The following DPYSL5 variants were observed in gnomAD, a reference collection of about 807,000 sequenced individuals.
The protein encoded by DPYSL5 is dihydropyrimidinase-related protein 5.
In DPYSL5, 9 loss-of-function variants were observed where a neutral mutation model predicts 58.4. That is an observed-to-expected ratio of 0.15 (90% CI 0.09 to 0.27). The LOEUF (loss-of-function observed/expected upper bound fraction) is 0.27, where lower values mean the gene tolerates loss of function less well. Ranked by LOEUF, DPYSL5 falls within the 10% of genes least tolerant of loss-of-function variation. The pLI is 1.00. For missense variants in DPYSL5, 499 were observed against 770.6 expected, an observed-to-expected ratio of 0.65 and a Z score of 4.17; for synonymous variants, 293 against 301.9, an observed-to-expected ratio of 0.97 and a Z score of 0.31.
chr2:26,888,987 CAGAG>C (rs775865340), intron 1 of DPYSL5, among the ~76,000 whole-genome samples: 1 of 152,026 alleles, frequency 6.6e-6, no homozygotes, highest in Admixed American at 6.6e-5. Context: ...CCTCACATGT[CAGAG>C]AGAGAGATAT....
rs1558329727 is a variant in DPYSL5, at chr2:26,882,417, G to T, written c.-4-16079G>T. 2.2e-5 allele frequency among the ~76,000 whole-genome samples: 3 copies of T among 134,400 alleles called. No homozygotes were observed. In the Admixed American group the frequency reaches 2.5e-4, roughly 11 times the overall value. 88.2% of individuals were successfully genotyped at this position (134,400 alleles called of 152,430 possible). ...CACACCACCATGCCCAGCTTATTGT[G>T]TGTGTGTGTGTCTGTGTGTGTGTGT... is the stretch of plus-strand genomic sequence containing the variant. On this transcript the variant is annotated intron_variant, in intron 1 of 12. Transcript: ENST00000288699.
At chr2:26,928,456 AGGC>A in intron 5 of DPYSL5, 133 bp downstream of exon 5, 2 of 1,005,926 alleles carry the variant, frequency 2.0e-6, no homozygotes, top group Non-Finnish European at 3.0e-6. Context: ...AACATTTGGG[AGGC>A]TGAGGTGGGT....
chr2:26,893,145 T>C lies in DPYSL5; in HGVS notation c.-4-5351T>C, dbSNP rs75162671. 8.2e-3 allele frequency among the ~76,000 whole-genome samples: 1,253 copies of C among 152,302 alleles called. 20 individuals are homozygous for C. The highest frequency in any genetic ancestry group is 0.028 in the African/African-American group (1,162 of 41,582). On this transcript the variant is annotated intron_variant, in intron 1 of 12. Transcript: ENST00000288699. ...TGTCACTCCCAGCCACCTGCTTTGT[T>C]TCCCAGCACTCCCTCAGGCAGCAGC...
At chr2:26,916,125 A>G (rs142650914) in intron 2 of DPYSL5, among the ~76,000 whole-genome samples, 14 of 151,958 alleles carry the variant, frequency 9.2e-5, no homozygotes, top group African/African-American at 3.1e-4. Context: ...CCAAGCATAA[A>G]ACCTCCCCCG....
Position 26,913,748 on chromosome 2 carries a change from A to G in DPYSL5, c.262-11139A>G, listed in dbSNP as rs139434826. On this transcript the variant is annotated intron_variant, in intron 2 of 12. Transcript: ENST00000288699. ...ACAGTGGCCTGATGACTTCAGTGAG[A>G]GTGATGTCACTTTTGCTAGCAGGCT... is the stretch of plus-strand genomic sequence containing the variant. Among the ~76,000 whole-genome samples the G allele has an allele frequency of 2.5e-3, 384 of 152,244 alleles. 1 individual carries two copies. The highest frequency in any genetic ancestry group is 9.0e-3 in the African/African-American group (374 of 41,556).
At chr2:26,895,775 C>CTTT (rs869030530) in intron 1 of DPYSL5, among the ~76,000 whole-genome samples, 198 of 101,102 alleles carry the variant, frequency 2.0e-3, no homozygotes, top group African/African-American at 2.3e-3. Flanking sequence ...ATTTCTTTTT[C>CTTT]TTTTTTTTTT....
intron 1 of DPYSL5, among the ~76,000 whole-genome samples, chr2:26,889,106 T>A (rs887663366): frequency 2.6e-5 from 4 of 152,118 alleles, no homozygotes; most frequent in Non-Finnish European, 1.5e-5. Flanking sequence ...GAGATTAGGC[T>A]TCGACATATG....
intron 2 of DPYSL5, among the ~76,000 whole-genome samples, chr2:26,899,035 T>G (rs1664088785): frequency 6.6e-6 from 1 of 152,234 alleles, no homozygotes; most frequent in African/African-American, 2.4e-5. Context: ...TTGTATATCT[T>G]TATGTCATGT....
chr2:26,931,203 G>GTGTGTGTGTA (rs1474347605), intron 5 of DPYSL5, among the ~76,000 whole-genome samples: 25 of 44,930 alleles, frequency 5.6e-4, no homozygotes, highest in East Asian at 2.5e-3. Flanking sequence ...GTGTGTGTGT[G>GTGTGTGTGTA]TATATATATA....
chr2:26,890,001 G>T (rs1663832229), intron 1 of DPYSL5, among the ~76,000 whole-genome samples: 1 of 152,230 alleles, frequency 6.6e-6, no homozygotes, highest in Admixed American at 6.5e-5. Flanking sequence ...ATTGGACGGG[G>T]TTAGCATCTT....
intron 8 of DPYSL5, among the ~76,000 whole-genome samples, chr2:26,937,522 T>C (rs1665209231): frequency 6.6e-6 from 1 of 152,228 alleles, no homozygotes; most frequent in Non-Finnish European, 1.5e-5. Flanking sequence ...TAAGAAAATA[T>C]GAGCTGTTTC....
At chr2:26,866,832 A>G (rs1558323205) in intron 1 of DPYSL5, among the ~76,000 whole-genome samples, 2 of 151,478 alleles carry the variant, frequency 1.3e-5, no homozygotes, top group Admixed American at 6.6e-5. Flanking sequence ...CCCGGGTTCA[A>G]GTGATTCTCC....
intron 1 of DPYSL5, among the ~76,000 whole-genome samples, chr2:26,864,131 G>A (rs1666084433): frequency 6.6e-6 from 1 of 152,174 alleles, no homozygotes; most frequent in Non-Finnish European, 1.5e-5. Flanking sequence ...TGTAGTCCCA[G>A]CTACTTGGGA....
Position 26,925,170 on chromosome 2 carries a change from A to AG in DPYSL5, c.420+125_420+126insG, listed in dbSNP as rs2148158446. On this transcript the variant is annotated intron_variant, in intron 3 of 12. Transcript: ENST00000288699. This position sits in a 1 kb window ranked among gnomAD's most constrained non-coding sequence, Gnocchi z 4.5. ...CCCACTACCATCCTAGCTCCCCACA[A>AG]TGCCAAAAGAAAACACACTTGGGAT... The AG allele has an allele frequency of 2.4e-6, 3 of 1,242,214 alleles. No homozygotes were observed. In the East Asian group the frequency reaches 7.5e-5, roughly 31 times the overall value. 76.9% of individuals were successfully genotyped at this position (1,242,214 alleles called of 1,614,324 possible).
At chr2:26,897,574 G>T (rs1415642285) in intron 1 of DPYSL5, among the ~76,000 whole-genome samples, 1 of 152,092 alleles carries the variant, frequency 6.6e-6, no homozygotes, top group African/African-American at 2.4e-5. Flanking sequence ...ATTTTGTCAA[G>T]AATTTTTTAT....
intron 1 of DPYSL5, among the ~76,000 whole-genome samples, chr2:26,891,219 C>T (rs1206598810): frequency 6.6e-6 from 1 of 152,158 alleles, no homozygotes. Flanking sequence ...TCAGATGATG[C>T]ACACAATGGG....
At chr2:26,928,207 C>T (rs373268599) in intron 4 of DPYSL5, 48 bp from the exon 5 acceptor site, 47 of 1,587,136 alleles carry the variant, frequency 3.0e-5, no homozygotes, top group Middle Eastern at 1.7e-4. Context: ...TTTTCTTACA[C>T]GGTGTCTCTG....
At chr2:26,883,070 TG>T (rs563784773) in intron 1 of DPYSL5, among the ~76,000 whole-genome samples, 405 of 152,322 alleles carry the variant, frequency 2.7e-3, no homozygotes, top group African/African-American at 9.4e-3. Context: ...TGTATTTGTA[TG>T]TTTTTTTAAA....
intron 3 of DPYSL5, among the ~76,000 whole-genome samples, chr2:26,926,630 C>A (rs1018571627): frequency 1.3e-5 from 2 of 152,190 alleles, no homozygotes; most frequent in Non-Finnish European, 2.9e-5. Context: ...CACAGAGTAG[C>A]TATTTTGCAT....
Sources: gnomAD v4.1 joint callset for allele counts (sites outside exome capture counted in the v4.1 genomes callset) on GRCh38, gnomAD v4.1.1 for gene constraint, Gnocchi (gnomAD v3.1) non-coding constraint, MANE v1.5 for transcripts, NCBI Gene and HGNC (gene_info 2026-07-23, HGNC 2026-07-21) for gene names.